The following SLC39A12 variants were observed in gnomAD, a reference collection of about 807,000 sequenced individuals.
SLC39A12 encodes zinc transporter ZIP12.
Under a neutral mutation model 71.1 loss-of-function variants are expected in SLC39A12, and 63 were observed. That is an observed-to-expected ratio of 0.89 (90% CI 0.72 to 1.09). The LOEUF is 1.09. Ranked by LOEUF, SLC39A12 falls within the 50% of genes least tolerant of loss-of-function variation. The pLI, the probability that SLC39A12 is intolerant of heterozygous loss-of-function variation, is 0.00. For missense variants in SLC39A12, 892 were observed against 812.6 expected, an observed-to-expected ratio of 1.10 and a Z score of -1.19; for synonymous variants, 351 against 301.3, an observed-to-expected ratio of 1.16 and a Z score of -1.71.
intron 10 of SLC39A12, among the ~76,000 whole-genome samples, chr10:17,996,938 C>T (rs994651247): frequency 2.8e-5 from 4 of 145,408 alleles, no homozygotes; most frequent in African/African-American, 1.0e-4. Flanking sequence ...GCGGAGCTTG[C>T]AGGGAGGCGG....
chr10:17,995,815 A>G (rs1353897394), intron 10 of SLC39A12, 93 bp downstream of exon 10: 2 of 1,095,600 alleles, frequency 1.8e-6, no homozygotes, highest in African/African-American at 3.2e-5. Context: ...TATAGATATC[A>G]TATTGGGTAT....
rs372151831 is a variant in SLC39A12, at chr10:18,039,663, G to A, written c.1948-3042G>A. ...GGATTGCTTGAGCCCAGGAGTTCAC[G>A]GCTACAGTGAGCTATGATCACATCA... On this transcript the variant is annotated intron_variant, in intron 12 of 12. Transcript: ENST00000377369. 5.3e-5 allele frequency among the ~76,000 whole-genome samples: 8 copies of A among 152,226 alleles called. No individual in the cohort carries two copies. The East Asian group carries it at 1.4e-3, about 26-fold the overall frequency.
At chr10:18,036,794 A>ATATATTTTTTTTTT (rs1554855475) in intron 12 of SLC39A12, among the ~76,000 whole-genome samples, 2 of 92,858 alleles carry the variant, frequency 2.2e-5, no homozygotes, top group African/African-American at 9.0e-5. Flanking sequence ...ATATATATAT[A>ATATATTTTTTTTTT]TTTTTTTTTT....
chr10:18,033,356 A>G (rs1836905441), intron 12 of SLC39A12, among the ~76,000 whole-genome samples: 1 of 149,776 alleles, frequency 6.7e-6, no homozygotes, highest in Admixed American at 6.7e-5. Context: ...CAGAGATTCA[A>G]CTTCTTCCTG....
chr10:17,984,206 G>A (rs1648384106), intron 6 of SLC39A12, among the ~76,000 whole-genome samples: 1 of 152,198 alleles, frequency 6.6e-6, no homozygotes, highest in South Asian at 2.1e-4. Context: ...AGAGTCCTGT[G>A]ACCACAGGTC....
chr10:17,993,633 G>T (rs1407675954), intron 9 of SLC39A12, among the ~76,000 whole-genome samples: 1 of 152,204 alleles, frequency 6.6e-6, no homozygotes, highest in African/African-American at 2.4e-5. Flanking sequence ...CCTTAGCCAT[G>T]ACTAGGTGGA....
intron 4 of SLC39A12, among the ~76,000 whole-genome samples, chr10:17,977,199 T>A (rs1835132454): frequency 6.6e-6 from 1 of 152,128 alleles, no homozygotes; most frequent in Admixed American, 6.5e-5. Context: ...TTTTTTATTG[T>A]CAAACTTTCC....
intron 12 of SLC39A12, 79 bp from the exon 13 acceptor site, chr10:18,042,626 C>G: frequency 7.1e-7 from 1 of 1,410,840 alleles, no homozygotes; most frequent in Non-Finnish European, 9.5e-7. Flanking sequence ...GAATAACAGT[C>G]GCTCATGTTT....
At chr10:17,984,625 G>GGA (rs1176937313) in intron 6 of SLC39A12, among the ~76,000 whole-genome samples, 2 of 152,128 alleles carry the variant, frequency 1.3e-5, no homozygotes, top group African/African-American at 4.8e-5. Context: ...AGATTTTCAG[G>GGA]GAAGTTTCTA....
At chr10:18,041,569 C>G (rs1378980003) in intron 12 of SLC39A12, among the ~76,000 whole-genome samples, 1 of 127,206 alleles carries the variant, frequency 7.9e-6, no homozygotes, top group Non-Finnish European at 1.6e-5. Context: ...CACACATACA[C>G]ACACACATAC....
At chr10:18,014,089 G>A (rs1836311405) in intron 12 of SLC39A12, among the ~76,000 whole-genome samples, 1 of 152,116 alleles carries the variant, frequency 6.6e-6, no homozygotes, top group Non-Finnish European at 1.5e-5. Flanking sequence ...TCCAATCCAT[G>A]AACGTGAGAT....
intron 2 of SLC39A12, among the ~76,000 whole-genome samples, chr10:17,955,154 C>T (rs1199174027): frequency 1.3e-5 from 2 of 150,830 alleles, no homozygotes; most frequent in Non-Finnish European, 2.9e-5. Flanking sequence ...AGTAGTTTTG[C>T]CAGGGGGGAA....
chr10:17,987,618 G>GTC lies in SLC39A12; in HGVS notation c.1238_1239dup (p.Gly414LeufsTer36), dbSNP rs1254005700. 6.2e-7 allele frequency: 1 copy of GTC among 1,614,034 alleles called. No individual in the cohort carries two copies. Among genetic ancestry groups the GTC allele is most frequent in the Non-Finnish European group, 8.5e-7 (1 of 1,180,034 alleles). ...TTGTGGGCTTGGCCGTCGGGACACT[G>GTC]TCTGGGGACGCTCTGCTCCACCTTA... On this transcript the variant is annotated frameshift_variant, in exon 7 of 13. Coordinates refer to ENST00000377369, the MANE Select transcript of SLC39A12 (RefSeq NM_001145195.2). LOFTEE classifies it high-confidence loss of function.
At position 17,953,541 on chromosome 10, in the gene SLC39A12, A is replaced by G. The variant is rs1834462621; in HGVS notation, c.261+4A>G. 2 of 1,613,888 alleles carry G rather than the reference A, an allele frequency of 1.2e-6. No homozygotes were observed. The highest frequency in any genetic ancestry group is 1.7e-6 in the Non-Finnish European group (2 of 1,179,874). ...AATGCAAGGAGATTGCAATCTGGTTAGTGAAATAGAATGGGGTCAGGTATC... is the reference window on the plus strand; with the variant it reads ...AATGCAAGGAGATTGCAATCTGGTTGGTGAAATAGAATGGGGTCAGGTATC... On this transcript the variant is annotated splice_donor_region_variant and intron_variant, in intron 2 of 12. Transcript: ENST00000377369.
chr10:18,009,905 T>G (rs1261776884), intron 12 of SLC39A12, among the ~76,000 whole-genome samples: 1 of 152,184 alleles, frequency 6.6e-6, no homozygotes, highest in African/African-American at 2.4e-5. Context: ...CTACACTTAT[T>G]GTAGGTCAGT....
chr10:18,003,249 C>T lies in SLC39A12; in HGVS notation c.1838C>T (p.Ala613Val), dbSNP rs780582065. 2.5e-6 allele frequency: 4 copies of T among 1,614,076 alleles called. No individual in the cohort carries two copies. The South Asian group carries it at 4.4e-5, about 18-fold the overall frequency. ...ATGAATTTTATAAGCTCCCTAACTG[C>T]CTTCATGGGATTATACATTGGCCTT... ...ILMNFISSLT[A>V]FMGLYIGLSV... is the part of the protein sequence containing the mutation. The change falls in exon 12 of 13, where the codon GCC (alanine) becomes GTC (valine). Residue 613 changes from alanine (A) to valine (V), a missense_variant. Transcript: ENST00000377369.
intron 12 of SLC39A12, 140 bp from the exon 13 acceptor site, chr10:18,042,565 G>T: frequency 5.9e-6 from 4 of 679,148 alleles, no homozygotes; most frequent in Non-Finnish European, 8.9e-6. Context: ...GGTAGAGTAG[G>T]TATTCAGCAT....
intron 4 of SLC39A12, among the ~76,000 whole-genome samples, chr10:17,967,133 A>G (rs531515476): frequency 6.6e-6 from 1 of 151,888 alleles, no homozygotes; most frequent in East Asian, 1.9e-4. Context: ...TTTTGTTGCA[A>G]GTTTTTTTTT....
rs1171752285 is a variant in SLC39A12 at position 17,965,655 on chromosome 10, G to T, written c.716G>T (p.Ser239Ile). 1 of 1,614,116 alleles carries T rather than the reference G, an allele frequency of 6.2e-7. No homozygotes were observed. Among genetic ancestry groups the T allele is most frequent in the South Asian group, 1.1e-5 (1 of 91,074 alleles). The change falls in exon 4 of 13, where the codon AGT becomes ATT. Residue 239 changes from serine (S) to isoleucine (I), a missense_variant. By Grantham distance (142) the Ser-to-Ile change is moderately radical. Transcript: ENST00000377369. ...GACTACTTTACAGAATATATTTTCAGTTCCTTGAATCGTACGAATACCCTC... is the reference window on the plus strand; with the variant it reads ...GACTACTTTACAGAATATATTTTCATTTCCTTGAATCGTACGAATACCCTC... ...SPDYFTEYIF[S>I]SLNRTNTLRL...
Sources: allele counts gnomAD v4.1 joint callset (sites outside exome capture counted in the v4.1 genomes callset), GRCh38; gene constraint gnomAD v4.1.1; transcripts MANE v1.5; gene names NCBI Gene and HGNC (gene_info 2026-07-23, HGNC 2026-07-21).